UBE2H: variants seen among roughly 807,000 people sequenced by gnomAD.
UBE2H encodes ubiquitin-conjugating enzyme E2 H.
In UBE2H, 3 loss-of-function variants were observed where a neutral mutation model predicts 29.0. The observed-to-expected ratio is 0.10, with a 90% CI of 0.05 to 0.27. The LOEUF (loss-of-function observed/expected upper bound fraction) is 0.27, where lower values mean the gene tolerates loss of function less well. Among genes scored for constraint, UBE2H ranks in the 10% least tolerant of loss-of-function variants. The pLI, the probability that UBE2H is intolerant of heterozygous loss-of-function variation, is 1.00. For missense variants in UBE2H, 68 were observed against 228.2 expected (o/e 0.30, Z 4.52); for synonymous variants, 69 against 82.9 (o/e 0.83, Z 0.91).
intron 1 of UBE2H, among the ~76,000 whole-genome samples, chr7:129,881,770 T>C (rs916443839): frequency 6.6e-6 from 1 of 152,162 alleles, no homozygotes; most frequent in East Asian, 1.9e-4. Flanking sequence ...GTATTCCCTT[T>C]AGTCAAATTC....
chr7:129,837,976 T>C (rs1168455231), intron 6 of UBE2H, among the ~76,000 whole-genome samples: 1 of 152,216 alleles, frequency 6.6e-6, no homozygotes, highest in Admixed American at 6.5e-5. Context: ...AGAATGCATA[T>C]GTGAACTAGA....
At chr7:129,852,963 T>A (rs987962828) in intron 5 of UBE2H, among the ~76,000 whole-genome samples, 5 of 152,096 alleles carry the variant, frequency 3.3e-5, no homozygotes, top group Non-Finnish European at 7.4e-5. Context: ...CGACCTAAGG[T>A]GATCCGCCTG....
At chr7:129,940,331 G>A (rs1414227816) in intron 1 of UBE2H, among the ~76,000 whole-genome samples, 2 of 152,150 alleles carry the variant, frequency 1.3e-5, no homozygotes, top group African/African-American at 4.8e-5. Context: ...TAGAAACCAG[G>A]AGATTGAACC....
rs147996550 is a variant in UBE2H at position 129,925,651 on chromosome 7, A to C, written c.53+26852T>G. ...GAGACACTTCTAGCTCAGGATGATC[A>C]GGGCAATGTGTAGGGAGGGACACTC... On this transcript the variant is annotated intron_variant, in intron 1 of 6. Coordinates refer to ENST00000355621, the MANE Select transcript of UBE2H (RefSeq NM_003344.4). 2.0e-5 allele frequency among the ~76,000 whole-genome samples: 3 copies of C among 152,314 alleles called. No homozygotes were observed. The East Asian group carries it at 5.8e-4, about 29-fold the overall frequency.
In UBE2H at chr7:129,837,893, G is replaced by A. The variant is rs184793543; in HGVS notation, c.427+1314C>T. The stretch of plus-strand genomic sequence containing the variant: ...AGTGAGCCATTCTAAGATAAATGTA[G>A]GCTCGGTTCTTTTTGTAAATGGGAC... On this transcript the variant is annotated intron_variant, in intron 6 of 6. Transcript: ENST00000355621. Among the ~76,000 whole-genome samples the A allele has an allele frequency of 3.3e-5, 5 of 152,242 alleles. No individual in the cohort carries two copies. In the East Asian group the frequency reaches 9.7e-4, roughly 29 times the overall value.
At chr7:129,944,151 T>G (rs187405410) in intron 1 of UBE2H, among the ~76,000 whole-genome samples, 3,116 of 149,484 alleles carry the variant, frequency 0.021, 48 homozygotes, top group Non-Finnish European at 0.032. Flanking sequence ...GGTCAGGAGA[T>G]CAAGACCATC....
chr7:129,850,937 G>A (rs1805598655), intron 5 of UBE2H, among the ~76,000 whole-genome samples: 1 of 152,046 alleles, frequency 6.6e-6, no homozygotes, highest in Admixed American at 6.6e-5. Context: ...AGAAAAGATA[G>A]ATGGACAGAT....
At chr7:129,927,905 A>G (rs1445684572) in intron 1 of UBE2H, among the ~76,000 whole-genome samples, 2 of 151,986 alleles carry the variant, frequency 1.3e-5, no homozygotes, top group Non-Finnish European at 2.9e-5. Context: ...ATAATTAACA[A>G]TTTATTGTAG....
chr7:129,922,442 C>G (rs771725319), intron 1 of UBE2H, among the ~76,000 whole-genome samples: 3 of 151,842 alleles, frequency 2.0e-5, no homozygotes, highest in Admixed American at 2.0e-4. Flanking sequence ...GACGCCATCA[C>G]GCCTGGCTAA....
chr7:129,945,984 G>C (rs1265185239), intron 1 of UBE2H, among the ~76,000 whole-genome samples: 1 of 151,770 alleles, frequency 6.6e-6, no homozygotes, highest in Non-Finnish European at 1.5e-5. Context: ...GACCTCAGGT[G>C]ATCTGCCCAC....
chr7:129,924,951 TA>T lies in UBE2H; in HGVS notation c.53+27551del, dbSNP rs936620203. Among the ~76,000 whole-genome samples, 208 of 140,780 alleles carry T rather than the reference TA, an allele frequency of 1.5e-3. 1 individual carries two copies. Among genetic ancestry groups the T allele is most frequent in the Admixed American group, 4.5e-3 (63 of 14,062 alleles). The allele number at this position is 140,780 out of a possible 152,430, so 92.4% of individuals were successfully genotyped here. On this transcript the variant is annotated intron_variant, in intron 1 of 6. Transcript: ENST00000355621. ...TTGAGGGTACAAGCTAAACTATGAA[TA>T]AAAAAAAAAAAGTTTAACTTTTTGT...
intron 3 of UBE2H, among the ~76,000 whole-genome samples, chr7:129,863,734 T>G (rs1805842945): frequency 6.6e-6 from 1 of 151,742 alleles, no homozygotes; most frequent in African/African-American, 2.4e-5. Context: ...CTTTGAGGGA[T>G]GAACACAACC....
At chr7:129,905,213 T>C (rs1411070734) in intron 1 of UBE2H, among the ~76,000 whole-genome samples, 4 of 151,664 alleles carry the variant, frequency 2.6e-5, no homozygotes, top group Admixed American at 2.0e-4. Flanking sequence ...AAAGAAAGAC[T>C]GGCAGGGGCC....
chr7:129,926,031 A>T (rs572097139), intron 1 of UBE2H, among the ~76,000 whole-genome samples: 1 of 134,214 alleles, frequency 7.5e-6, no homozygotes, highest in Non-Finnish European at 1.8e-5. Context: ...AAAACAAATT[A>T]TAAGTATTTC....
chr7:129,873,020 G>GTT lies in UBE2H; in HGVS notation c.205+6546_205+6547dup, dbSNP rs10677960. ...TTAAAGGCCATTAATATAGCTCAGA[G>GTT]TTTTTTTTTTTTTTTTGAGACAAGA... On this transcript the variant is annotated intron_variant, in intron 3 of 6. Coordinates refer to ENST00000355621, the MANE Select transcript of UBE2H (RefSeq NM_003344.4). Among the ~76,000 whole-genome samples, 615 of 139,714 alleles carry GTT rather than the reference G, an allele frequency of 4.4e-3. 3 individuals carry two copies. The highest frequency in any genetic ancestry group is 0.014 in the African/African-American group (542 of 38,378). The allele number at this position is 139,714 out of a possible 152,430, so 91.7% of individuals were successfully genotyped here. A position where few individuals can be genotyped will look rare whatever the true frequency, so the allele number is the denominator to read the frequency against.
chr7:129,881,124 A>T (rs1031094068), intron 1 of UBE2H, 153 bp from the exon 2 acceptor site: 1 of 577,372 alleles, frequency 1.7e-6, no homozygotes, highest in Non-Finnish European at 3.0e-6. Flanking sequence ...AGGAGGAGGC[A>T]ATATATACTC....
At chr7:129,948,604 AG>A (rs755538176) in intron 1 of UBE2H, among the ~76,000 whole-genome samples, 71 of 152,142 alleles carry the variant, frequency 4.7e-4, no homozygotes, top group Non-Finnish European at 8.7e-4. Flanking sequence ...ATTTGAGGCC[AG>A]GAGTTGGGAG....
intron 4 of UBE2H, among the ~76,000 whole-genome samples, chr7:129,857,927 A>C (rs536686697): frequency 3.2e-4 from 49 of 152,366 alleles, no homozygotes; most frequent in African/African-American, 1.2e-3. Context: ...TCTAATGATC[A>C]GGAAACATCA....
chr7:129,886,625 G>A lies in UBE2H; in HGVS notation c.54-5654C>T, dbSNP rs117436055. On this transcript the variant is annotated intron_variant, in intron 1 of 6. Coordinates refer to ENST00000355621, the MANE Select transcript of UBE2H (RefSeq NM_003344.4). ...GGAATGAGGTCCTGGCATAAAGAACGCGCTTCTGTGCAGAGGGCAGAAGCA... is the reference window on the plus strand; with the variant it reads ...GGAATGAGGTCCTGGCATAAAGAACACGCTTCTGTGCAGAGGGCAGAAGCA... 7.0e-3 allele frequency among the ~76,000 whole-genome samples: 1,071 copies of A among 152,074 alleles called. 8 individuals carry two copies. The highest frequency in any genetic ancestry group is 9.1e-3 in the Non-Finnish European group (619 of 67,968).
Sources: allele counts gnomAD v4.1 joint callset (sites outside exome capture counted in the v4.1 genomes callset), GRCh38; gene constraint gnomAD v4.1.1; transcripts MANE v1.5; gene names NCBI Gene and HGNC (gene_info 2026-07-23, HGNC 2026-07-21).